EFCAB5: variants seen among roughly 807,000 people sequenced by gnomAD.
The protein encoded by EFCAB5 is EF-hand calcium-binding domain-containing protein 5.
A neutral mutation model predicts 167.9 loss-of-function variants in EFCAB5; 131 were observed. The observed-to-expected ratio is 0.78, with a 90% confidence interval of 0.68 to 0.90. EFCAB5 has a LOEUF of 0.90. Ranked by LOEUF, EFCAB5 falls within the 40% of genes least tolerant of loss-of-function variation. The pLI, the probability that EFCAB5 is intolerant of heterozygous loss-of-function variation, is 0.00. For synonymous variants in EFCAB5, 574 were observed against 602.8 expected (o/e 0.95, Z 0.70); for missense variants, 1,663 against 1,745.2 (o/e 0.95, Z 0.84).
upstream of EFCAB5, among the ~76,000 whole-genome samples, chr17:29,940,249 G>T (rs574611349): frequency 7.8e-4 from 119 of 152,176 alleles, no homozygotes; most frequent in African/African-American, 2.8e-3. Flanking sequence ...CTACTTTTTT[G>T]TATTTTTAGT....
At chr17:29,994,133 A>AATATATATATATAT (rs55875315) in intron 5 of EFCAB5, among the ~76,000 whole-genome samples, 84 of 55,840 alleles carry the variant, frequency 1.5e-3, no homozygotes, top group East Asian at 4.0e-3. Context: ...AACAACAACA[A>AATATATATATATAT]ATATATATAT....
rs1352501012 is a variant in EFCAB5, at chr17:29,998,649, A to G, written c.974-1257A>G. On this transcript the variant is annotated intron_variant, in intron 6 of 22. Transcript: ENST00000394835. ...GTCTGCATCTAATGCATAAGTTTAT[A>G]TGAAAATTTATATAGCCTTCCTATG... Among the ~76,000 whole-genome samples the G allele has an allele frequency of 2.6e-5, 4 of 152,334 alleles. No individual in the cohort carries two copies. In the East Asian group the frequency reaches 5.8e-4, roughly 22 times the overall value.
chr17:30,054,854 G>T (rs1021732839), intron 10 of EFCAB5, among the ~76,000 whole-genome samples: 2 of 152,190 alleles, frequency 1.3e-5, no homozygotes, highest in Non-Finnish European at 2.9e-5. Context: ...CTTAATAGCT[G>T]CTGGATTATC....
At chr17:30,103,967 C>G (rs563876266) in intron 22 of EFCAB5, among the ~76,000 whole-genome samples, 1 of 152,236 alleles carries the variant, frequency 6.6e-6, no homozygotes, top group African/African-American at 2.4e-5. Context: ...GCCAAGATCA[C>G]GCCATTGCAC....
At chr17:30,057,245 A>AC (rs2070296630) in intron 12 of EFCAB5, among the ~76,000 whole-genome samples, 1 of 152,138 alleles carries the variant, frequency 6.6e-6, no homozygotes. Context: ...TGTCACTTTC[A>AC]ATTGAGACAG....
chr17:30,092,001 T>C lies in EFCAB5; in HGVS notation c.4068T>C (p.Thr1356=). The change falls in exon 21 of 23, where the codon ACT becomes ACC. Residue 1356 remains threonine, a synonymous_variant. Transcript: ENST00000394835. Reference sequence around the variant, plus strand: ...TGTCACTGTTGCTCTATGACCATACTCTTGTAACAGAGCCAAATTCTCCTC... The same window carrying C: ...TGTCACTGTTGCTCTATGACCATACCCTTGTAACAGAGCCAAATTCTCCTC... ...EFVSLLLYDH[T]LVTEPNSPQD... is the part of the protein sequence containing the mutation. 6.2e-7 allele frequency: 1 copy of C among 1,613,928 alleles called. No individual in the cohort carries two copies. The highest frequency in any genetic ancestry group is 8.5e-7 in the Non-Finnish European group (1 of 1,179,860).
intron 10 of EFCAB5, among the ~76,000 whole-genome samples, chr17:30,055,182 C>T (rs973269849): frequency 3.3e-5 from 5 of 152,000 alleles, no homozygotes; most frequent in Admixed American, 1.3e-4. Flanking sequence ...GTCTCGGCTA[C>T]GCAGGAGGCT....
rs2071206823 is a variant in EFCAB5 at position 30,091,946 on chromosome 17, G to A, written c.4013G>A (p.Ser1338Asn). 1 of 1,614,012 alleles carries A rather than the reference G, an allele frequency of 6.2e-7. No individual in the cohort carries two copies. The highest frequency in any genetic ancestry group is 8.5e-7 in the Non-Finnish European group (1 of 1,179,894). Residue 1338 changes from serine to asparagine, a missense_variant, in exon 21 of 23, where the codon AGC becomes AAC. Physicochemically the swap from Ser to Asn is conservative, Grantham distance 46. Coordinates refer to ENST00000394835, the MANE Select transcript of EFCAB5 (RefSeq NM_198529.4). ...ATCATGCTGCTCGAGCTACAGGAAA[G>A]CATCCAACTACTCAATTCCATGGAA... ...FRIMLLELQE[S>N]IQLLNSMEFV...
At chr17:29,990,115 C>T (rs982559275) in intron 4 of EFCAB5, among the ~76,000 whole-genome samples, 2 of 152,148 alleles carry the variant, frequency 1.3e-5, no homozygotes, top group African/African-American at 4.8e-5. Flanking sequence ...CTCAAGTTGT[C>T]CATTGGGCCC....
intron 14 of EFCAB5, chr17:30,068,596 A>C: frequency 7.8e-7 from 1 of 1,275,038 alleles, no homozygotes; most frequent in Non-Finnish European, 1.1e-6. Context: ...TGACATGGGC[A>C]GGTCCCTTGT....
chr17:30,015,304 T>G (rs962911024), intron 7 of EFCAB5, among the ~76,000 whole-genome samples: 1 of 152,142 alleles, frequency 6.6e-6, no homozygotes, highest in African/African-American at 2.4e-5. Flanking sequence ...AGGAGTATCT[T>G]TGTGGTGTTC....
chr17:30,081,084 C>T (rs2151835841), intron 17 of EFCAB5, 103 bp downstream of exon 17: 1 of 834,174 alleles, frequency 1.2e-6, no homozygotes, highest in East Asian at 2.5e-5. Context: ...GCTGTGTATA[C>T]AGATAACATC....
intron 7 of EFCAB5, among the ~76,000 whole-genome samples, chr17:30,027,946 C>G (rs1195604657): frequency 6.6e-6 from 1 of 152,188 alleles, no homozygotes; most frequent in East Asian, 1.9e-4. Flanking sequence ...CTCAAGCAGT[C>G]TGAGGTCCAC....
chr17:29,999,294 A>G (rs1000122080), intron 6 of EFCAB5, among the ~76,000 whole-genome samples: 2 of 151,926 alleles, frequency 1.3e-5, no homozygotes, highest in African/African-American at 4.8e-5. Flanking sequence ...TATAAGTAGA[A>G]AAAAGGTACA....
intron 16 of EFCAB5, 43 bp downstream of exon 16, chr17:30,080,284 A>G (rs762811455): frequency 1.3e-6 from 2 of 1,488,396 alleles, no homozygotes; most frequent in Non-Finnish European, 1.8e-6. Flanking sequence ...TCCTAAAAAA[A>G]TAATTCCCTT....
intron 4 of EFCAB5, among the ~76,000 whole-genome samples, chr17:29,986,700 G>A (rs2068291662): frequency 7.9e-6 from 1 of 126,460 alleles, no homozygotes; most frequent in Non-Finnish European, 1.6e-5. Context: ...AGGCTGGAGT[G>A]CAGTGGCGCA....
At chr17:29,984,053 C>T (rs1411756975) in intron 4 of EFCAB5, among the ~76,000 whole-genome samples, 1 of 151,760 alleles carries the variant, frequency 6.6e-6, no homozygotes, top group Non-Finnish European at 1.5e-5. Context: ...GCCATTGGAC[C>T]CTAAGCTTTA....
intron 7 of EFCAB5, among the ~76,000 whole-genome samples, chr17:30,000,303 A>G (rs1466545476): frequency 1.3e-5 from 2 of 152,192 alleles, no homozygotes; most frequent in African/African-American, 2.4e-5. Flanking sequence ...CCTATGGGCC[A>G]GGTATCATAC....
At chr17:30,107,645 T>C (rs1347407471) in intron 22 of EFCAB5, among the ~76,000 whole-genome samples, 189 bp from the exon 23 acceptor site, 1 of 152,218 alleles carries the variant, frequency 6.6e-6, no homozygotes, top group Non-Finnish European at 1.5e-5. Flanking sequence ...TAACTGCTGT[T>C]AAGTATTCCA....
Sources: gnomAD v4.1 joint callset for allele counts (sites outside exome capture counted in the v4.1 genomes callset) on GRCh38, gnomAD v4.1.1 for gene constraint, MANE v1.5 for transcripts, NCBI Gene and HGNC (gene_info 2026-07-23, HGNC 2026-07-21) for gene names.